The following SMAP1 variants were observed in gnomAD, a reference collection of about 807,000 sequenced individuals.
SMAP1 encodes the protein stromal membrane-associated protein 1.
SMAP1 carries 24 observed loss-of-function variants against 58.5 expected under a neutral mutation model. The ratio of observed to expected loss-of-function variants is 0.41; its 90% CI spans 0.30 to 0.58. The LOEUF (loss-of-function observed/expected upper bound fraction) is 0.58, where lower values mean the gene tolerates loss of function less well. SMAP1 is among the 20% of genes least tolerant of loss of function. The pLI is 0.29. For synonymous variants in SMAP1, 216 were observed against 196.6 expected, an observed-to-expected ratio of 1.10 and a Z score of -0.82; for missense variants, 563 against 566.3, an observed-to-expected ratio of 0.99 and a Z score of 0.06.
chr6:70,708,977 A>G (rs967435718), intron 1 of SMAP1, among the ~76,000 whole-genome samples: 1 of 152,008 alleles, frequency 6.6e-6, no homozygotes, highest in Non-Finnish European at 1.5e-5. Flanking sequence ...ATGTAGTCCC[A>G]CTTGTTTATT....
intron 8 of SMAP1, 150 bp downstream of exon 8, chr6:70,852,814 C>A (rs1354394662): frequency 1.1e-6 from 1 of 948,186 alleles, no homozygotes; most frequent in Non-Finnish European, 1.5e-6. Context: ...ACTAAGCCAG[C>A]AGCTTGTTTT....
At chr6:70,676,606 T>C (rs1196749907) in intron 1 of SMAP1, among the ~76,000 whole-genome samples, 1 of 152,224 alleles carries the variant, frequency 6.6e-6, no homozygotes, top group Non-Finnish European at 1.5e-5. Flanking sequence ...GGGAAGACTG[T>C]CACCTTCGGC....
chr6:70,853,346 C>G (rs1250129987), intron 8 of SMAP1, among the ~76,000 whole-genome samples: 1 of 152,018 alleles, frequency 6.6e-6, no homozygotes, highest in Non-Finnish European at 1.5e-5. Flanking sequence ...TATGAACTTT[C>G]AGGAAACAAA....
chr6:70,669,294 C>G (rs1204754926), intron 1 of SMAP1, among the ~76,000 whole-genome samples: 2 of 152,102 alleles, frequency 1.3e-5, no homozygotes, highest in East Asian at 1.9e-4. Context: ...CTTTACTGTT[C>G]TATCTCAATA....
chr6:70,808,497 C>T (rs143774484), intron 6 of SMAP1, among the ~76,000 whole-genome samples: 5 of 152,266 alleles, frequency 3.3e-5, no homozygotes, highest in East Asian at 1.9e-4. Flanking sequence ...ACGGTTGCCG[C>T]GGAAGAAGCA....
Position 70,703,033 on chromosome 6 carries a change from C to T in SMAP1, c.119-29345C>T, listed in dbSNP as rs540228997. Among the ~76,000 whole-genome samples the T allele has an allele frequency of 5.9e-5, 9 of 151,914 alleles. No homozygotes were observed. In the South Asian group the frequency reaches 6.2e-4, roughly 11 times the overall value. ...TCAAGTGTAATTTGAGGGTTTGTTTCGATTGATTGACTTTCCTCCTTTTTA... is the reference window on the plus strand; with the variant it reads ...TCAAGTGTAATTTGAGGGTTTGTTTTGATTGATTGACTTTCCTCCTTTTTA... On this transcript the variant is annotated intron_variant, in intron 1 of 10. Coordinates refer to ENST00000370455, the MANE Select transcript of SMAP1 (RefSeq NM_001044305.3).
At chr6:70,794,472 C>T (rs532531170) in intron 5 of SMAP1, among the ~76,000 whole-genome samples, 7 of 152,272 alleles carry the variant, frequency 4.6e-5, no homozygotes, top group East Asian at 1.9e-4. Context: ...ATGTGCACAA[C>T]GTGCAGGTTT....
At chr6:70,842,068 C>T (rs894887404) in intron 7 of SMAP1, among the ~76,000 whole-genome samples, 1 of 152,192 alleles carries the variant, frequency 6.6e-6, no homozygotes. Flanking sequence ...CTAGAGCTAC[C>T]TATTTGATCA....
chr6:70,737,091 G>A (rs769778945), intron 2 of SMAP1, among the ~76,000 whole-genome samples: 1 of 152,178 alleles, frequency 6.6e-6, no homozygotes, highest in East Asian at 1.9e-4. Flanking sequence ...ATCTGATAGT[G>A]TGTTCTTTTG....
intron 4 of SMAP1, among the ~76,000 whole-genome samples, chr6:70,776,796 T>C (rs1767565766): frequency 6.6e-6 from 1 of 152,200 alleles, no homozygotes; most frequent in Non-Finnish European, 1.5e-5. Flanking sequence ...CCCAGGATTA[T>C]CCATGTTGCT....
At chr6:70,849,226 T>TTGCC (rs1279134865) in intron 7 of SMAP1, among the ~76,000 whole-genome samples, 1 of 152,144 alleles carries the variant, frequency 6.6e-6, no homozygotes, top group East Asian at 1.9e-4. Flanking sequence ...AGTGTCAGCC[T>TTGCC]TGCCACAAAG....
chr6:70,798,857 G>C (rs566716669), intron 6 of SMAP1, 120 bp downstream of exon 6: 1 of 805,176 alleles, frequency 1.2e-6, no homozygotes, highest in South Asian at 2.3e-5. Flanking sequence ...ACAAGCAATT[G>C]TTGAGTGAAT....
intron 10 of SMAP1, chr6:70,859,290 A>T: frequency 1.4e-6 from 2 of 1,459,774 alleles, no homozygotes; most frequent in Non-Finnish European, 1.9e-6. Context: ...AAGGTGCTAG[A>T]TGAACCAGGA....
chr6:70,776,057 A>G (rs769675007), intron 4 of SMAP1, among the ~76,000 whole-genome samples: 1 of 152,222 alleles, frequency 6.6e-6, no homozygotes, highest in Non-Finnish European at 1.5e-5. Context: ...CATGACTGTT[A>G]GAGACATTTA....
intron 6 of SMAP1, among the ~76,000 whole-genome samples, chr6:70,799,904 A>G (rs117667302): frequency 1.3e-3 from 193 of 152,280 alleles, no homozygotes; most frequent in Non-Finnish European, 2.2e-3. Flanking sequence ...TTCACATTCT[A>G]TGTAACACAT....
At chr6:70,676,830 T>A (rs1214948471) in intron 1 of SMAP1, among the ~76,000 whole-genome samples, 2 of 152,184 alleles carry the variant, frequency 1.3e-5, no homozygotes, top group Non-Finnish European at 1.5e-5. Context: ...TTGCCCAGGC[T>A]GGGGTGCAGT....
intron 5 of SMAP1, among the ~76,000 whole-genome samples, chr6:70,792,736 A>G (rs950374173): frequency 2.0e-5 from 3 of 152,062 alleles, no homozygotes; most frequent in South Asian, 2.1e-4. Context: ...ATATGAGTAG[A>G]ACGGCAAGGC....
intron 1 of SMAP1, among the ~76,000 whole-genome samples, chr6:70,715,354 A>G (rs1200277101): frequency 6.6e-6 from 1 of 151,838 alleles, no homozygotes; most frequent in African/African-American, 2.4e-5. Flanking sequence ...GGCCTCCCAA[A>G]GTGTTGGGAT....
chr6:70,805,418 T>G (rs879646548), intron 6 of SMAP1, among the ~76,000 whole-genome samples: 5 of 152,040 alleles, frequency 3.3e-5, no homozygotes, highest in Non-Finnish European at 7.4e-5. Context: ...TTTTTCGAGG[T>G]TTTTAACTTC....
Sources: gnomAD v4.1 joint callset for allele counts (sites outside exome capture counted in the v4.1 genomes callset) on GRCh38, gnomAD v4.1.1 for gene constraint, MANE v1.5 for transcripts, NCBI Gene and HGNC (gene_info 2026-07-23, HGNC 2026-07-21) for gene names.